Variants in MARCHF1 observed in about 807,000 individuals in gnomAD.
MARCHF1 encodes membrane associated ring-CH-type finger 1.
A neutral mutation model predicts 54.2 loss-of-function variants in MARCHF1; 40 were observed. That is an observed-to-expected ratio of 0.74 (90% confidence interval 0.57 to 0.96). The LOEUF is 0.96. Ranked by LOEUF, MARCHF1 falls within the 40% of genes least tolerant of loss-of-function variation. The pLI, the probability that MARCHF1 is intolerant of heterozygous loss-of-function variation, is 0.00. For missense variants in MARCHF1, 586 were observed against 656.5 expected, an observed-to-expected ratio of 0.89 and a Z score of 1.17; for synonymous variants, 236 against 236.3, an observed-to-expected ratio of 1.00 and a Z score of 0.01.
intron 3 of MARCHF1, among the ~76,000 whole-genome samples, chr4:163,942,751 C>T (rs920426939): frequency 1.2e-4 from 18 of 152,046 alleles, no homozygotes; most frequent in Non-Finnish European, 2.9e-5. Context: ...GATTACCTCC[C>T]CCGATCTTTT....
At chr4:163,879,637 TATATC>T (rs1750370808) in intron 3 of MARCHF1, among the ~76,000 whole-genome samples, 1 of 152,188 alleles carries the variant, frequency 6.6e-6, no homozygotes. Context: ...TGAAAAGTGT[TATATC>T]AAACTGCAAA....
intron 1 of MARCHF1, among the ~76,000 whole-genome samples, chr4:164,313,502 C>G (rs1248565381): frequency 1.3e-5 from 2 of 152,084 alleles, no homozygotes; most frequent in African/African-American, 4.8e-5. Context: ...TAAAGATACA[C>G]TGCTTAGATA....
chr4:164,213,319 C>T (rs774638250), intron 1 of MARCHF1, among the ~76,000 whole-genome samples: 23 of 151,548 alleles, frequency 1.5e-4, no homozygotes, highest in Non-Finnish European at 2.2e-4. Context: ...CTGAAAGCTC[C>T]GCCTCCCAGG....
At chr4:163,973,538 A>C (rs925210981) in intron 3 of MARCHF1, among the ~76,000 whole-genome samples, 2 of 152,258 alleles carry the variant, frequency 1.3e-5, no homozygotes, top group Admixed American at 6.5e-5. Flanking sequence ...GGCCAAAGCA[A>C]GTCACATAGC....
At chr4:164,041,780 T>A (rs536087896) in intron 2 of MARCHF1, among the ~76,000 whole-genome samples, 1 of 152,266 alleles carries the variant, frequency 6.6e-6, no homozygotes, top group Admixed American at 6.5e-5. Flanking sequence ...ACCCTCCTTA[T>A]GATTCTGATG....
chr4:163,932,628 T>A, intron 3 of MARCHF1: 1 of 444,998 alleles, frequency 2.2e-6, no homozygotes. Flanking sequence ...CGAGCTGTCC[T>A]ATGAGGAGTG....
intron 2 of MARCHF1, among the ~76,000 whole-genome samples, chr4:164,066,385 G>A (rs192962207): frequency 2.9e-4 from 44 of 152,306 alleles, no homozygotes; most frequent in African/African-American, 9.6e-4. Flanking sequence ...TGGTGAGGTT[G>A]TGGAGAAAAA....
At chr4:163,714,073 C>T (rs1452381394) in intron 4 of MARCHF1, among the ~76,000 whole-genome samples, 1 of 152,152 alleles carries the variant, frequency 6.6e-6, no homozygotes, top group Admixed American at 6.5e-5. Flanking sequence ...AGTTGATTTA[C>T]ATTTCAGTGT....
intron 1 of MARCHF1, among the ~76,000 whole-genome samples, chr4:164,140,459 A>G (rs1464749275): frequency 1.3e-5 from 2 of 152,090 alleles, no homozygotes; most frequent in East Asian, 3.9e-4. Flanking sequence ...GGACAATGAG[A>G]TGCCAGACCC....
chr4:163,910,092 A>G (rs528846171), intron 3 of MARCHF1, among the ~76,000 whole-genome samples: 15 of 111,394 alleles, frequency 1.3e-4, no homozygotes, highest in African/African-American at 4.6e-4. Context: ...ATAGTCAAAC[A>G]TCTAACATAT....
At chr4:163,960,192 C>A (rs577708568) in intron 3 of MARCHF1, among the ~76,000 whole-genome samples, 37 of 152,026 alleles carry the variant, frequency 2.4e-4, no homozygotes, top group African/African-American at 8.2e-4. Flanking sequence ...AGGGAACACT[C>A]ATACACTGTT....
chr4:163,670,267 TG>T, intron 5 of MARCHF1, among the ~76,000 whole-genome samples: 1 of 151,918 alleles, frequency 6.6e-6, no homozygotes, highest in South Asian at 2.1e-4. Context: ...GAAGGGGCCA[TG>T]GGGGGAGAGA....
intron 3 of MARCHF1, among the ~76,000 whole-genome samples, chr4:163,863,722 T>C (rs1266250104): frequency 6.6e-6 from 1 of 152,040 alleles, no homozygotes; most frequent in Non-Finnish European, 1.5e-5. Context: ...TTTAATATTA[T>C]TCTCCAGTAA....
At chr4:163,650,320 A>G (rs377036384) in intron 5 of MARCHF1, among the ~76,000 whole-genome samples, 5 of 151,972 alleles carry the variant, frequency 3.3e-5, no homozygotes, top group African/African-American at 1.2e-4. Flanking sequence ...TTAGAAGTAA[A>G]TATTTATACA....
At chr4:163,788,332 G>A (rs973357707) in intron 4 of MARCHF1, among the ~76,000 whole-genome samples, 15 of 151,768 alleles carry the variant, frequency 9.9e-5, no homozygotes, top group African/African-American at 3.4e-4. Context: ...GCATTTTACC[G>A]ATGAATAATT....
intron 8 of MARCHF1, among the ~76,000 whole-genome samples, chr4:163,582,491 G>A (rs979198098): frequency 6.6e-6 from 1 of 152,088 alleles, no homozygotes; most frequent in Non-Finnish European, 1.5e-5. Flanking sequence ...TAACCATTAA[G>A]CCCCAAGGTT....
chr4:163,663,715 C>T (rs561050708), intron 5 of MARCHF1, among the ~76,000 whole-genome samples: 2 of 152,184 alleles, frequency 1.3e-5, no homozygotes, highest in East Asian at 3.9e-4. Context: ...CCCCAGATCT[C>T]TTCTATGTCT....
intron 1 of MARCHF1, among the ~76,000 whole-genome samples, chr4:164,276,947 T>TATATATATATATATATATATATATAGAG: frequency 8.4e-6 from 1 of 118,802 alleles, no homozygotes; most frequent in South Asian, 3.5e-4. Context: ...TATATATATA[T>TATATATATATATATATATATATATAGAG]AGAGAGAGAG....
At chr4:163,912,209 A>G (rs559899786) in intron 3 of MARCHF1, among the ~76,000 whole-genome samples, 2 of 152,230 alleles carry the variant, frequency 1.3e-5, no homozygotes, top group East Asian at 3.9e-4. Flanking sequence ...TTTAGATATT[A>G]GCCACACCTA....
Sources: allele counts gnomAD v4.1 joint callset (sites outside exome capture counted in the v4.1 genomes callset), GRCh38; gene constraint gnomAD v4.1.1; transcripts MANE v1.5; gene names NCBI Gene and HGNC (gene_info 2026-07-23, HGNC 2026-07-21).